The following PCDHGB1 variants were observed in gnomAD, a reference collection of about 807,000 sequenced individuals.
The protein encoded by PCDHGB1 is protocadherin gamma subfamily B, 1, also known as protocadherin gamma-B1.
A neutral mutation model predicts 56.6 loss-of-function variants in PCDHGB1; 34 were observed. The observed-to-expected ratio is 0.60, with a 90% confidence interval of 0.46 to 0.80. The LOEUF (loss-of-function observed/expected upper bound fraction) is 0.80. Ranked by LOEUF, PCDHGB1 falls within the 30% of genes least tolerant of loss-of-function variation. The pLI is 0.00. For missense variants in PCDHGB1, 1,278 were observed against 1,204.6 expected (o/e 1.06, Z -0.90); for synonymous variants, 561 against 505.9 (o/e 1.11, Z -1.46).
chr5:141,418,647 G>C, intron 1 of PCDHGB1: 1 of 1,614,034 alleles, frequency 6.2e-7, no homozygotes, highest in Non-Finnish European at 8.5e-7. Flanking sequence ...TCCATCCTGA[G>C]AGTGAAGGCC....
rs367793525 is a variant in PCDHGB1, at chr5:141,352,460, G to C, written c.2200G>C (p.Gly734Arg). The change falls in exon 1 of 4, where the codon GGG becomes CGG. Residue 734 changes from glycine to arginine, a missense_variant. Transcript: ENST00000523390. ...CGGTCTCTGCTCCAAGTCTGGGCCC[G>C]GGGTTCCTCCCAACCACAGCGAGGG... ...QTGLCSKSGP[G>R]VPPNHSEGTL... The C allele has an allele frequency of 5.9e-5, 95 of 1,613,896 alleles. No homozygotes were observed. The highest frequency in any genetic ancestry group is 2.3e-4 in the African/African-American group (17 of 74,932).
chr5:141,364,152 C>A (rs1763186679), intron 1 of PCDHGB1: 2 of 570,580 alleles, frequency 3.5e-6, no homozygotes, highest in Non-Finnish European at 5.5e-6. Flanking sequence ...AAAGAAGCTG[C>A]CGCAGAGGCG....
Position 141,431,559 on chromosome 5 carries a change from C to T in PCDHGB1, c.2410-63248C>T. 6.2e-7 allele frequency: 1 copy of T among 1,614,158 alleles called. No individual in the cohort carries two copies. On this transcript the variant is annotated intron_variant, in intron 1 of 3. Transcript: ENST00000523390. The surrounding 1 kb of genome is among the most constrained non-coding windows in gnomAD (Gnocchi z 4.8). ...ACGCAGCTGCTTGTAGTCAACGCTA[C>T]CGACCCTGACGAAGGAGTCAATGCG...
chr5:141,436,406 G>T (rs1403133377), intron 1 of PCDHGB1, among the ~76,000 whole-genome samples: 3 of 152,308 alleles, frequency 2.0e-5, no homozygotes, highest in East Asian at 3.9e-4. Context: ...GTTGTTGAAT[G>T]AATGGATAAA....
intron 1 of PCDHGB1, chr5:141,478,046 C>A (rs762982394): frequency 3.7e-6 from 6 of 1,614,172 alleles, no homozygotes; most frequent in Non-Finnish European, 5.1e-6. Flanking sequence ...CAGGCAGACT[C>A]TCACGGTCTT....
In PCDHGB1 at chr5:141,350,485, T is replaced by C. The variant is rs757793104; in HGVS notation, c.225T>C (p.Ser75=). The stretch of plus-strand genomic sequence containing the variant: ...GTGCAGAGGATTATTTCAACGTTAG[T>C]TTGGAGAGCGGGGATTTGTTAGTGA... ...RVSAEDYFNV[S]LESGDLLVNG... is the part of the protein sequence containing the mutation. Residue 75 remains serine, a synonymous_variant, in exon 1 of 4, where the codon AGT becomes AGC. Coordinates refer to ENST00000523390, the MANE Select transcript of PCDHGB1 (RefSeq NM_018922.3). 1 of 1,613,928 alleles carries C rather than the reference T, an allele frequency of 6.2e-7. No homozygotes were observed. The highest frequency in any genetic ancestry group is 1.7e-5 in the Admixed American group (1 of 60,016).
intron 1 of PCDHGB1, chr5:141,395,381 A>T (rs562557513): frequency 2.7e-6 from 3 of 1,094,770 alleles, no homozygotes; most frequent in Non-Finnish European, 3.8e-6. Flanking sequence ...TGGTGTTACT[A>T]TAAAATTGAA....
chr5:141,365,279 A>T (rs1222527527), intron 1 of PCDHGB1: 1 of 1,613,978 alleles, frequency 6.2e-7, no homozygotes, highest in Non-Finnish European at 8.5e-7. Flanking sequence ...ATTCTACCTC[A>T]TGGAAGTGGT....
rs1256790840 is a variant in PCDHGB1, at chr5:141,392,835, C to T, written c.2409+40166C>T. 8 of 1,608,038 alleles carry T rather than the reference C, an allele frequency of 5.0e-6. No individual in the cohort carries two copies. In the South Asian group the frequency reaches 5.5e-5, roughly 11 times the overall value. On this transcript the variant is annotated intron_variant, in intron 1 of 3. Coordinates refer to ENST00000523390, the MANE Select transcript of PCDHGB1 (RefSeq NM_018922.3). The stretch of plus-strand genomic sequence containing the variant: ...AACAATGGCCGCTCCACAGAGTCGC[C>T]CCAGACGCGGCGAGCTGATCCTGCT...
intron 1 of PCDHGB1, among the ~76,000 whole-genome samples, chr5:141,484,597 A>C (rs1345278081): frequency 1.3e-5 from 2 of 152,070 alleles, no homozygotes; most frequent in African/African-American, 4.8e-5. Flanking sequence ...CTCATTTAGA[A>C]TACTGGTTGA....
intron 2 of PCDHGB1, among the ~76,000 whole-genome samples, chr5:141,502,759 C>T (rs535899844): frequency 9.9e-5 from 15 of 152,130 alleles, no homozygotes; most frequent in African/African-American, 3.6e-4. Context: ...CATGTATTTG[C>T]TGGTATTCTT....
chr5:141,448,329 A>T (rs1166759766), intron 1 of PCDHGB1, among the ~76,000 whole-genome samples: 1 of 152,146 alleles, frequency 6.6e-6, no homozygotes, highest in Non-Finnish European at 1.5e-5. Context: ...TTGAATCTTT[A>T]TAGCCATGTA....
Position 141,376,503 on chromosome 5 carries a change from T to C in PCDHGB1, c.2409+23834T>C, listed in dbSNP as rs192154001. 1.1e-5 allele frequency: 17 copies of C among 1,614,052 alleles called. No homozygotes were observed. In the African/African-American group the frequency reaches 2.1e-4, roughly 20 times the overall value. ...GAAACGAAAGGAGAACCCAGGCAAC[T>C]TCAGGTGAGTTTCTTTCCGCCTAAG... is the stretch of plus-strand genomic sequence containing the variant. On this transcript the variant is annotated intron_variant, in intron 1 of 3. Transcript: ENST00000523390.
chr5:141,432,746 G>T lies in PCDHGB1; in HGVS notation c.2410-62061G>T, dbSNP rs772043134. The T allele has an allele frequency of 6.2e-7, 1 of 1,614,098 alleles. No individual in the cohort carries two copies. Among genetic ancestry groups the T allele is most frequent in the Non-Finnish European group, 8.5e-7 (1 of 1,179,992 alleles). Reference sequence around the variant, plus strand: ...CTCCGCCACTGTCACGCTCACCGTGGCCGTGGCCGACAGCATCCCCCAAGT... The same window carrying T: ...CTCCGCCACTGTCACGCTCACCGTGTCCGTGGCCGACAGCATCCCCCAAGT... On this transcript the variant is annotated intron_variant, in intron 1 of 3. Transcript: ENST00000523390. This position sits in a 1 kb window ranked among gnomAD's most constrained non-coding sequence, Gnocchi z 6.0.
Position 141,430,867 on chromosome 5 carries a change from G to T in PCDHGB1, c.2410-63940G>T, listed in dbSNP as rs1157718106. ...GCACCCAGATACGCTATTCAGTTCC[G>T]GAAGAGCTGGAGAAAGGCTCTAGGG... On this transcript the variant is annotated intron_variant, in intron 1 of 3. Coordinates refer to ENST00000523390, the MANE Select transcript of PCDHGB1 (RefSeq NM_018922.3). 2.5e-6 allele frequency: 4 copies of T among 1,596,238 alleles called. No individual in the cohort carries two copies. In the East Asian group the frequency reaches 8.9e-5, roughly 36 times the overall value.
intron 1 of PCDHGB1, chr5:141,372,026 C>T (rs1469685060): frequency 6.2e-7 from 1 of 1,613,330 alleles, no homozygotes; most frequent in Non-Finnish European, 8.5e-7. Flanking sequence ...CGCTCAGCGC[C>T]AACGTGAGCC....
At chr5:141,362,637 TTGTC>T (rs1762610119) in intron 1 of PCDHGB1, 48 of 1,479,318 alleles carry the variant, frequency 3.2e-5, no homozygotes, top group Non-Finnish European at 4.2e-5. Context: ...GCGTATTTCT[TTGTC>T]TGTGAGTTAG....
In PCDHGB1 at chr5:141,431,746, G is replaced by C. The variant is rs780453684; in HGVS notation, c.2410-63061G>C. 6.2e-7 allele frequency: 1 copy of C among 1,614,062 alleles called. No individual in the cohort carries two copies. Among genetic ancestry groups the C allele is most frequent in the African/African-American group, 1.3e-5 (1 of 74,932 alleles). On this transcript the variant is annotated intron_variant, in intron 1 of 3. Transcript: ENST00000523390. The surrounding 1 kb of genome is among the most constrained non-coding windows in gnomAD (Gnocchi z 4.8). ...CAATGGATAATGCAGGATATTCTGC[G>C]CGAGCCAAAGTCCTGATCACTGTTC... is the stretch of plus-strand genomic sequence containing the variant.
intron 1 of PCDHGB1, among the ~76,000 whole-genome samples, chr5:141,368,579 A>G (rs28694549): frequency 0.14 from 21,947 of 152,060 alleles, 2,144 homozygotes; most frequent in African/African-American, 0.28. Flanking sequence ...TCTTAGGGTA[A>G]GGTGTTTGGG....
Sources: gnomAD v4.1 joint callset for allele counts (sites outside exome capture counted in the v4.1 genomes callset) on GRCh38, gnomAD v4.1.1 for gene constraint, Gnocchi (gnomAD v3.1) non-coding constraint, MANE v1.5 for transcripts, NCBI Gene and HGNC (gene_info 2026-07-23, HGNC 2026-07-21) for gene names.